The following GRIN2A variants were observed in gnomAD, a reference collection of about 807,000 sequenced individuals.
The protein encoded by GRIN2A is glutamate receptor ionotropic, NMDA 2A.
Under a neutral mutation model 113.4 loss-of-function variants are expected in GRIN2A, and 22 were observed. The observed-to-expected ratio is 0.19, with a 90% CI of 0.14 to 0.28. The LOEUF is 0.28. Ranked by LOEUF, GRIN2A falls within the 10% of genes least tolerant of loss-of-function variation. The probability of loss-of-function intolerance (pLI) is 1.00; values close to 1 mark genes in which losing one functional copy is unlikely to be tolerated. For synonymous variants in GRIN2A, 827 were observed against 738.4 expected (o/e 1.12, Z -1.94); for missense variants, 1,502 against 1,887.0 (o/e 0.80, Z 3.78).
chr16:9,998,675 C>G (rs2046268377), intron 2 of GRIN2A, among the ~76,000 whole-genome samples: 1 of 152,036 alleles, frequency 6.6e-6, no homozygotes, highest in Non-Finnish European at 1.5e-5. Context: ...TTTTGTATTA[C>G]TGTATATATC....
In GRIN2A at chr16:9,762,334, C is replaced by T. The variant is rs1266556633; in HGVS notation, c.*815G>A. 6 of 226,818 alleles carry T rather than the reference C, an allele frequency of 2.6e-5. No individual in the cohort carries two copies. The highest frequency in any genetic ancestry group is 5.3e-5 in the Non-Finnish European group (6 of 113,802). The allele number at this position is 226,818 out of a possible 1,614,324, so 14.1% of individuals were successfully genotyped here. ...GGCCACTGTGTCACAGACAGAAGAT[C>T]CACACTTAGATCTCGGAGACATAAA... is the stretch of plus-strand genomic sequence containing the variant. On this transcript the variant is annotated 3_prime_UTR_variant, in exon 13 of 13. Coordinates refer to ENST00000330684, the MANE Select transcript of GRIN2A (RefSeq NM_001134407.3).
At chr16:9,985,457 A>C (rs142973981) in intron 2 of GRIN2A, among the ~76,000 whole-genome samples, 1 of 152,286 alleles carries the variant, frequency 6.6e-6, no homozygotes, top group African/African-American at 2.4e-5. Flanking sequence ...GTCAACAGAC[A>C]AATGGATAAA....
chr16:9,940,060 G>A (rs535245775), intron 2 of GRIN2A, among the ~76,000 whole-genome samples: 49 of 98,008 alleles, frequency 5.0e-4, no homozygotes, highest in South Asian at 8.4e-4. Context: ...GAGAGAGAGA[G>A]AGTGTGTGTG....
At chr16:9,970,966 A>C (rs2045658414) in intron 2 of GRIN2A, 1 of 152,340 alleles carries the variant, frequency 6.6e-6, no homozygotes. Context: ...TTTCTGGAGA[A>C]GACAAAGAGT....
intron 2 of GRIN2A, among the ~76,000 whole-genome samples, chr16:10,013,969 C>T (rs1475726733): frequency 6.6e-6 from 1 of 152,192 alleles, no homozygotes; most frequent in Admixed American, 6.5e-5. Flanking sequence ...GGTCAAGCTC[C>T]TCTGTTGAAT....
intron 2 of GRIN2A, among the ~76,000 whole-genome samples, chr16:9,979,728 G>C (rs1433549798): frequency 6.7e-6 from 1 of 149,790 alleles, no homozygotes; most frequent in Non-Finnish European, 1.5e-5. Context: ...ATGAATGACT[G>C]TACTAGAAAA....
Position 9,764,441 on chromosome 16 carries a change from C to T in GRIN2A, c.3103G>A (p.Asp1035Asn), listed in dbSNP as rs540445580. 59 of 1,614,102 alleles carry T rather than the reference C, an allele frequency of 3.7e-5. No homozygotes were observed. Among genetic ancestry groups the T allele is most frequent in the Non-Finnish European group, 4.3e-5 (51 of 1,179,994 alleles). Reference protein sequence around the residue: ...SLSQNPVSQRDEATAENRTHS... With the variant: ...SLSQNPVSQRNEATAENRTHS... ...GTCCTATTCTCTGCTGTTGCCTCAT[C>T]CCTCTGGGAGACTGGATTCTGGGAT... Residue 1035 changes from aspartate to asparagine, a missense_variant, in exon 13 of 13, where the codon GAT becomes AAT. By Grantham distance (23) the Asp-to-Asn change is conservative (BLOSUM62 1). Coordinates refer to ENST00000330684, the MANE Select transcript of GRIN2A (RefSeq NM_001134407.3).
intron 2 of GRIN2A, among the ~76,000 whole-genome samples, chr16:10,092,254 A>T (rs1276473988): frequency 2.0e-5 from 3 of 152,222 alleles, no homozygotes; most frequent in Non-Finnish European, 4.4e-5. Flanking sequence ...CCATAATTAC[A>T]TGCACATACT....
At chr16:10,150,469 C>G (rs2049545158) in intron 2 of GRIN2A, among the ~76,000 whole-genome samples, 1 of 152,176 alleles carries the variant, frequency 6.6e-6, no homozygotes, top group South Asian at 2.1e-4. Context: ...ATTTTAAGAT[C>G]TATTTGTTTT....
intron 4 of GRIN2A, among the ~76,000 whole-genome samples, chr16:9,890,052 A>AATTAC (rs2043663885): frequency 6.6e-6 from 1 of 152,130 alleles, no homozygotes; most frequent in Non-Finnish European, 1.5e-5. Context: ...GATTTCAGTC[A>AATTAC]ATTACATTAT....
chr16:10,080,191 G>A (rs2047952167), intron 2 of GRIN2A, among the ~76,000 whole-genome samples: 2 of 152,210 alleles, frequency 1.3e-5, no homozygotes, highest in African/African-American at 2.4e-5. Context: ...ATTTGCCTCT[G>A]TAAGGTCCCC....
At chr16:9,964,249 C>T (rs190376799) in intron 2 of GRIN2A, among the ~76,000 whole-genome samples, 155 of 152,322 alleles carry the variant, frequency 1.0e-3, no homozygotes, top group African/African-American at 3.5e-3. Context: ...CATGAATTTA[C>T]AGTACAAGTG....
intron 2 of GRIN2A, among the ~76,000 whole-genome samples, chr16:10,126,368 T>C (rs2048936349): frequency 6.6e-6 from 1 of 152,078 alleles, no homozygotes; most frequent in East Asian, 1.9e-4. Flanking sequence ...GGTCTCGCTA[T>C]GTTACCCAGA....
intron 2 of GRIN2A, among the ~76,000 whole-genome samples, chr16:9,990,667 ATT>A (rs148669337): frequency 6.1e-5 from 9 of 147,060 alleles, no homozygotes; most frequent in East Asian, 4.0e-4. Context: ...TTACATTGGC[ATT>A]TTTTTTTTTC....
chr16:9,834,778 G>A (rs528774636), intron 7 of GRIN2A, among the ~76,000 whole-genome samples: 1 of 152,252 alleles, frequency 6.6e-6, no homozygotes, highest in East Asian at 1.9e-4. Context: ...ATAGAGAAGA[G>A]CATAGGACAT....
intron 2 of GRIN2A, among the ~76,000 whole-genome samples, chr16:10,125,512 T>TCAATTACA (rs2048914738): frequency 6.6e-6 from 1 of 151,314 alleles, no homozygotes; most frequent in Non-Finnish European, 1.5e-5. Flanking sequence ...GAGGCCTCCC[T>TCAATTACA]CAATTACACA....
At chr16:9,868,628 T>A (rs2043203155) in intron 4 of GRIN2A, among the ~76,000 whole-genome samples, 1 of 152,124 alleles carries the variant, frequency 6.6e-6, no homozygotes, top group Non-Finnish European at 1.5e-5. Context: ...TTGTGGCCTT[T>A]TAATGGTTCC....
At chr16:9,987,556 A>G (rs2046003266) in intron 2 of GRIN2A, among the ~76,000 whole-genome samples, 1 of 152,394 alleles carries the variant, frequency 6.6e-6, no homozygotes, top group African/African-American at 2.4e-5. Flanking sequence ...AGAGTAGCAT[A>G]CAAAAAATAT....
At chr16:10,119,306 G>T (rs947347778) in intron 2 of GRIN2A, among the ~76,000 whole-genome samples, 1 of 152,182 alleles carries the variant, frequency 6.6e-6, no homozygotes, top group Admixed American at 6.5e-5. Context: ...TAGAATGAGC[G>T]TTACCCATTT....
Sources: gnomAD v4.1 joint callset for allele counts (sites outside exome capture counted in the v4.1 genomes callset) on GRCh38, gnomAD v4.1.1 for gene constraint, MANE v1.5 for transcripts, NCBI Gene and HGNC (gene_info 2026-07-23, HGNC 2026-07-21) for gene names.